Variants in ZMYM2 observed in about 807,000 individuals in gnomAD.
ZMYM2 encodes zinc finger MYM-type protein 2.
In ZMYM2, 56 loss-of-function variants were observed where a neutral mutation model predicts 162.8. The ratio of observed to expected loss-of-function variants is 0.34; its 90% CI spans 0.28 to 0.43. ZMYM2 has a LOEUF of 0.43. Ranked by LOEUF, ZMYM2 falls within the 20% of genes least tolerant of loss-of-function variation. ZMYM2 has a pLI of 1.00. For missense variants in ZMYM2, 1,275 were observed against 1,621.8 expected (o/e 0.79, Z 3.67); for synonymous variants, 510 against 541.6 (o/e 0.94, Z 0.81).
Position 20,013,286 on chromosome 13 carries a change from AT to A in ZMYM2, c.1513-6256del, listed in dbSNP as rs750471778. 1.7e-3 allele frequency among the ~76,000 whole-genome samples: 255 copies of A among 152,236 alleles called. 2 individuals are homozygous for A. Among genetic ancestry groups the A allele is most frequent in the Middle Eastern group, 3.4e-3 (1 of 294 alleles). ...CATTACTAGTATATAGAAACATCTG[AT>A]TTTTGTACATTGATCATGTACTGTG... On this transcript the variant is annotated intron_variant, in intron 6 of 24. Coordinates refer to ENST00000610343, the MANE Select transcript of ZMYM2 (RefSeq NM_197968.4).
the ZMYM2 span, among the ~76,000 whole-genome samples, chr13:19,902,439 A>G: frequency 2.6e-5 from 4 of 151,650 alleles, no homozygotes; most frequent in South Asian, 8.3e-4. Context: ...CAACATGGAG[A>G]AACCCCATCT....
At chr13:19,913,531 C>G in the ZMYM2 span, among the ~76,000 whole-genome samples, 1 of 152,156 alleles carries the variant, frequency 6.6e-6, no homozygotes, top group South Asian at 2.1e-4. Flanking sequence ...TCAAGACCAT[C>G]CTGGTCAACA....
At chr13:20,026,916 A>G (rs1952636621) in intron 8 of ZMYM2, among the ~76,000 whole-genome samples, 154 bp downstream of exon 8, 1 of 152,076 alleles carries the variant, frequency 6.6e-6, no homozygotes, top group South Asian at 2.1e-4. Flanking sequence ...ATTATTCTGT[A>G]CTACTTTTTT....
the ZMYM2 span, among the ~76,000 whole-genome samples, chr13:19,917,363 T>C: frequency 6.6e-6 from 1 of 151,746 alleles, no homozygotes; most frequent in African/African-American, 2.4e-5. Context: ...CAGAGGTGGG[T>C]GGATCACCTG....
chr13:19,864,247 C>T, the ZMYM2 span: 1 of 154,806 alleles, frequency 6.5e-6, no homozygotes, highest in Non-Finnish European at 1.5e-5. Context: ...TCAGTGGAGG[C>T]CCTTCCACCC....
At chr13:20,062,123 A>G (rs879775409) in intron 17 of ZMYM2, among the ~76,000 whole-genome samples, 5 of 152,176 alleles carry the variant, frequency 3.3e-5, no homozygotes, top group African/African-American at 7.2e-5. Context: ...TCAAAATACT[A>G]TAATTTTCTC....
the ZMYM2 span, among the ~76,000 whole-genome samples, chr13:19,937,456 CTT>C: frequency 3.4e-3 from 362 of 105,080 alleles, no homozygotes; most frequent in Middle Eastern, 0.014. Flanking sequence ...TAGTATTCCT[CTT>C]TTTTTTTTTT....
At chr13:19,931,003 G>A in the ZMYM2 span, among the ~76,000 whole-genome samples, 14 of 151,626 alleles carry the variant, frequency 9.2e-5, no homozygotes, top group African/African-American at 2.7e-4. Flanking sequence ...GCCAGGCGCG[G>A]TGGCGGGCGC....
At chr13:20,013,813 T>C (rs1010211368) in intron 6 of ZMYM2, among the ~76,000 whole-genome samples, 1 of 152,196 alleles carries the variant, frequency 6.6e-6, no homozygotes, top group African/African-American at 2.4e-5. Context: ...TTTTAATATA[T>C]TGAATTCAGT....
the ZMYM2 span, among the ~76,000 whole-genome samples, chr13:19,940,833 C>G: frequency 6.6e-6 from 1 of 152,064 alleles, no homozygotes. Context: ...ATTTTGTAAA[C>G]TATGTAACAG....
chr13:19,919,436 G>T, the ZMYM2 span, among the ~76,000 whole-genome samples: 149 of 152,210 alleles, frequency 9.8e-4, no homozygotes, highest in African/African-American at 3.4e-3. Context: ...ATTTTCCAGA[G>T]TGGCTGCACC....
chr13:19,901,602 GCCTC>G, the ZMYM2 span, among the ~76,000 whole-genome samples: 1 of 151,854 alleles, frequency 6.6e-6, no homozygotes, highest in Non-Finnish European at 1.5e-5. Flanking sequence ...CTCTGTCTCA[GCCTC>G]CCGAGTAGCG....
rs183549861 is a variant in ZMYM2, at chr13:20,031,939, C to T, written c.1968+504C>T. 6.9e-4 allele frequency among the ~76,000 whole-genome samples: 99 copies of T among 143,648 alleles called. No homozygotes were observed. The East Asian group carries it at 0.019, about 28-fold the overall frequency. The allele number at this position is 143,648 out of a possible 152,430, so 94.2% of individuals were successfully genotyped here. A position where few individuals can be genotyped will look rare whatever the true frequency, so the allele number is the denominator to read the frequency against. On this transcript the variant is annotated intron_variant, in intron 10 of 24. Coordinates refer to ENST00000610343, the MANE Select transcript of ZMYM2 (RefSeq NM_197968.4). ...AGGCTGGAGTGCAGTGGCACGATCT[C>T]GGCTCACTGCAATCTCTGTCTCCTC...
chr13:20,006,194 C>T (rs1458944881), intron 5 of ZMYM2, among the ~76,000 whole-genome samples, 180 bp from the exon 6 acceptor site: 3 of 150,712 alleles, frequency 2.0e-5, no homozygotes, highest in African/African-American at 2.5e-5. Context: ...GATGGTGCCA[C>T]TGTACTTTAG....
At chr13:19,965,609 T>G (rs1351815146) in intron 2 of ZMYM2, among the ~76,000 whole-genome samples, 1 of 152,170 alleles carries the variant, frequency 6.6e-6, no homozygotes, top group African/African-American at 2.4e-5. Context: ...TGTTTCTAGT[T>G]CTATAGAACT....
chr13:19,934,973 G>C, the ZMYM2 span, among the ~76,000 whole-genome samples: 2 of 151,772 alleles, frequency 1.3e-5, no homozygotes, highest in African/African-American at 2.4e-5. Context: ...CACCATGTTG[G>C]CCAGGCTGGT....
chr13:20,054,507 T>A (rs1955629983), intron 14 of ZMYM2, among the ~76,000 whole-genome samples: 1 of 152,170 alleles, frequency 6.6e-6, no homozygotes, highest in African/African-American at 2.4e-5. Context: ...GCAATAAGAT[T>A]TGGTGCTTTT....
chr13:19,977,717 C>T (rs989144325), intron 2 of ZMYM2, among the ~76,000 whole-genome samples: 1 of 151,002 alleles, frequency 6.6e-6, no homozygotes, highest in Non-Finnish European at 1.5e-5. Flanking sequence ...GTCTCGATCT[C>T]CTGACCTTGT....
At chr13:20,064,855 C>T (rs184334855) in intron 19 of ZMYM2, among the ~76,000 whole-genome samples, 1 of 150,488 alleles carries the variant, frequency 6.6e-6, no homozygotes, top group Non-Finnish European at 1.5e-5. Context: ...TTAGTTGATA[C>T]CTCAACTAAA....
Sources: gnomAD v4.1 joint callset for allele counts (sites outside exome capture counted in the v4.1 genomes callset) on GRCh38, gnomAD v4.1.1 for gene constraint, MANE v1.5 for transcripts, NCBI Gene and HGNC (gene_info 2026-07-23, HGNC 2026-07-21) for gene names.